Variants in EXOC4 observed in about 807,000 individuals in gnomAD.
The protein encoded by EXOC4 is exocyst complex component 4.
EXOC4 carries 71 observed loss-of-function variants against 107.2 expected under a neutral mutation model. The ratio of observed to expected loss-of-function variants is 0.66; its 90% CI spans 0.55 to 0.81. EXOC4 has a LOEUF of 0.81. Ranked by LOEUF, EXOC4 falls within the 30% of genes least tolerant of loss-of-function variation. The pLI, the probability that EXOC4 is intolerant of heterozygous loss-of-function variation, is 0.00. For synonymous variants in EXOC4, 456 were observed against 441.2 expected (o/e 1.03, Z -0.42); for missense variants, 1,108 against 1,189.6 (o/e 0.93, Z 1.01).
intron 17 of EXOC4, among the ~76,000 whole-genome samples, chr7:134,027,656 C>CAAA (rs11408269): frequency 0.19 from 23,177 of 124,356 alleles, 2,794 homozygotes; most frequent in East Asian, 0.4. Context: ...GACTCCATCT[C>CAAA]AAAAAAAAAA....
intron 10 of EXOC4, among the ~76,000 whole-genome samples, chr7:133,718,810 G>T (rs1795048734): frequency 6.6e-6 from 1 of 152,292 alleles, no homozygotes. Flanking sequence ...CGAGTGGTGA[G>T]AACATTTTTA....
intron 10 of EXOC4, among the ~76,000 whole-genome samples, chr7:133,689,269 A>T (rs547157519): frequency 6.6e-6 from 1 of 152,314 alleles, no homozygotes; most frequent in Admixed American, 6.5e-5. Context: ...TCATGGCCTA[A>T]TTGAACAAAC....
intron 2 of EXOC4, among the ~76,000 whole-genome samples, chr7:133,284,910 C>T (rs546260244): frequency 4.6e-5 from 7 of 152,150 alleles, no homozygotes; most frequent in South Asian, 2.1e-4. Flanking sequence ...CATCCTACCC[C>T]GGTCCCAGTT....
intron 11 of EXOC4, among the ~76,000 whole-genome samples, chr7:133,824,771 T>C (rs1797658873): frequency 6.6e-6 from 1 of 152,178 alleles, no homozygotes; most frequent in Admixed American, 6.5e-5. Flanking sequence ...AATCTCTGTC[T>C]CTATCGTAAC....
chr7:133,307,503 A>G (rs1301279334), intron 4 of EXOC4, among the ~76,000 whole-genome samples: 3 of 152,204 alleles, frequency 2.0e-5, no homozygotes, highest in African/African-American at 7.2e-5. Context: ...GAAAATGAGC[A>G]TTATTTGAGG....
chr7:133,338,073 C>T (rs1022127279), intron 5 of EXOC4, among the ~76,000 whole-genome samples: 7 of 144,658 alleles, frequency 4.8e-5, no homozygotes, highest in African/African-American at 7.7e-5. Context: ...TACTAGTTTT[C>T]TGTTCTCTGT....
At chr7:133,677,399 A>G (rs1236484715) in intron 10 of EXOC4, among the ~76,000 whole-genome samples, 2 of 152,102 alleles carry the variant, frequency 1.3e-5, no homozygotes, top group African/African-American at 4.8e-5. Flanking sequence ...GGCCATGCTA[A>G]TCTCACCACA....
At chr7:134,018,626 T>C (rs1794961815) in intron 17 of EXOC4, among the ~76,000 whole-genome samples, 1 of 152,200 alleles carries the variant, frequency 6.6e-6, no homozygotes, top group Admixed American at 6.5e-5. Context: ...TAATCCTTTT[T>C]TTTTAATTTT....
chr7:133,431,215 T>C (rs539409962), intron 7 of EXOC4, among the ~76,000 whole-genome samples: 2 of 152,344 alleles, frequency 1.3e-5, no homozygotes, highest in Admixed American at 6.5e-5. Flanking sequence ...GCTGACCTGA[T>C]ACAGAATTTT....
At chr7:133,863,764 G>A (rs1187144197) in intron 11 of EXOC4, among the ~76,000 whole-genome samples, 1 of 152,166 alleles carries the variant, frequency 6.6e-6, no homozygotes. Context: ...TATCTAGTTT[G>A]GAATGGCTTT....
intron 7 of EXOC4, among the ~76,000 whole-genome samples, chr7:133,381,767 C>A (rs530112120): frequency 2.0e-5 from 3 of 152,236 alleles, no homozygotes; most frequent in African/African-American, 7.2e-5. Context: ...ATGACAGTCA[C>A]TGTGGATAAG....
At chr7:133,364,756 C>A (rs1473831071) in intron 6 of EXOC4, among the ~76,000 whole-genome samples, 1 of 152,202 alleles carries the variant, frequency 6.6e-6, no homozygotes, top group African/African-American at 2.4e-5. Context: ...CATCTGCCAT[C>A]TGGTATCTCA....
chr7:133,508,441 G>C (rs1340331612), intron 9 of EXOC4, among the ~76,000 whole-genome samples: 1 of 152,172 alleles, frequency 6.6e-6, no homozygotes, highest in Non-Finnish European at 1.5e-5. Flanking sequence ...AATGATGAAA[G>C]GTGATGCTAA....
chr7:133,429,260 G>T (rs1418751019), intron 7 of EXOC4, among the ~76,000 whole-genome samples: 1 of 152,096 alleles, frequency 6.6e-6, no homozygotes, highest in Non-Finnish European at 1.5e-5. Context: ...CTAAAATAAG[G>T]AACCAAGTAT....
At chr7:133,283,271 C>T (rs986752497) in intron 2 of EXOC4, among the ~76,000 whole-genome samples, 1 of 152,106 alleles carries the variant, frequency 6.6e-6, no homozygotes, top group Non-Finnish European at 1.5e-5. Context: ...GATGGGTTTT[C>T]ACCAGGTTGC....
intron 9 of EXOC4, among the ~76,000 whole-genome samples, chr7:133,514,046 T>C (rs6968755): frequency 1 from 151,688 of 152,258 alleles, 75,566 homozygotes; most frequent in Middle Eastern, 1. Flanking sequence ...TTTGTTATAC[T>C]CAGACATTGT....
intron 5 of EXOC4, among the ~76,000 whole-genome samples, chr7:133,338,682 T>G (rs960804476): frequency 2.6e-5 from 4 of 151,296 alleles, no homozygotes; most frequent in African/African-American, 9.7e-5. Context: ...ATAAATTTTT[T>G]AGTGGTGATT....
chr7:133,697,216 C>T (rs553545659), intron 10 of EXOC4, among the ~76,000 whole-genome samples: 121 of 152,228 alleles, frequency 7.9e-4, no homozygotes, highest in Middle Eastern at 6.8e-3. Flanking sequence ...CTGGATATAT[C>T]ATATTCTTCC....
chr7:133,689,799 G>A (rs779745797), intron 10 of EXOC4, among the ~76,000 whole-genome samples: 4 of 152,192 alleles, frequency 2.6e-5, no homozygotes, highest in Non-Finnish European at 5.9e-5. Context: ...TTGGTCAGGG[G>A]AAAGAATTGT....
Sources: allele counts gnomAD v4.1 joint callset (sites outside exome capture counted in the v4.1 genomes callset), GRCh38; gene constraint gnomAD v4.1.1; transcripts MANE v1.5; gene names NCBI Gene and HGNC (gene_info 2026-07-23, HGNC 2026-07-21).